Variants in UBR3 observed in about 807,000 individuals in gnomAD.
UBR3 encodes the protein E3 ubiquitin-protein ligase UBR3.
UBR3 carries 85 observed loss-of-function variants against 243.2 expected under a neutral mutation model. The observed-to-expected ratio is 0.35, with a 90% CI of 0.29 to 0.42. The LOEUF is 0.42. Among genes scored for constraint, UBR3 ranks in the 10% least tolerant of loss-of-function variants. The pLI, the probability that UBR3 is intolerant of heterozygous loss-of-function variation, is 1.00. For synonymous variants in UBR3, 748 were observed against 799.8 expected, an observed-to-expected ratio of 0.94 and a Z score of 1.09; for missense variants, 1,686 against 2,300.8, an observed-to-expected ratio of 0.73 and a Z score of 5.47.
chr2:169,833,237 C>CT (rs2081993007), intron 1 of UBR3, among the ~76,000 whole-genome samples: 1 of 152,312 alleles, frequency 6.6e-6, no homozygotes, highest in East Asian at 1.9e-4. Flanking sequence ...ACTGTAATGT[C>CT]TGACTAGCTG....
intron 17 of UBR3, among the ~76,000 whole-genome samples, chr2:169,928,441 A>G (rs1286934895): frequency 6.6e-6 from 1 of 152,138 alleles, no homozygotes; most frequent in Non-Finnish European, 1.5e-5. Flanking sequence ...AAGTTTTTCT[A>G]TCGTTTTCTG....
intron 11 of UBR3, among the ~76,000 whole-genome samples, 186 bp downstream of exon 11, chr2:169,914,332 C>T (rs1485490568): frequency 6.6e-6 from 1 of 152,126 alleles, no homozygotes; most frequent in African/African-American, 2.4e-5. Context: ...AGTTCTTTGA[C>T]ATTTAGGAGA....
rs564940594 is a variant in UBR3, at chr2:170,064,306, G to A, written c.5019+2863G>A. Among the ~76,000 whole-genome samples, 9 of 151,970 alleles carry A rather than the reference G, an allele frequency of 5.9e-5. No individual in the cohort carries two copies. The East Asian group carries it at 1.2e-3, about 20-fold the overall frequency. On this transcript the variant is annotated intron_variant, in intron 35 of 38. Transcript: ENST00000272793. The stretch of plus-strand genomic sequence containing the variant: ...TTTTTCAGTTTAATGTTGTTAGAAC[G>A]ATTACCTTTTTCTTTATGACTTGTA...
chr2:169,997,288 G>A (rs115060575), intron 26 of UBR3, among the ~76,000 whole-genome samples: 3,125 of 152,210 alleles, frequency 0.021, 39 homozygotes, highest in Non-Finnish European at 0.033. Flanking sequence ...CGCTCAACTC[G>A]CTCCCCAGCC....
intron 21 of UBR3, 93 bp from the exon 22 acceptor site, chr2:169,947,449 G>A: frequency 3.3e-6 from 3 of 916,882 alleles, no homozygotes; most frequent in South Asian, 7.7e-5. Context: ...GATTATGATA[G>A]GCAGTGGATG....
chr2:170,063,383 A>G (rs1371332446), intron 35 of UBR3, among the ~76,000 whole-genome samples: 1 of 152,126 alleles, frequency 6.6e-6, no homozygotes, highest in Non-Finnish European at 1.5e-5. Context: ...GACCTGTTCA[A>G]CTGAAGTGAG....
intron 4 of UBR3, 130 bp downstream of exon 4, chr2:169,877,767 T>A: frequency 1.1e-6 from 1 of 926,498 alleles, no homozygotes; most frequent in Non-Finnish European, 1.5e-6. Context: ...TTAAGAAAAG[T>A]AATAAAAGTA....
chr2:170,049,545 G>A (rs910440003), intron 32 of UBR3, among the ~76,000 whole-genome samples: 2 of 151,748 alleles, frequency 1.3e-5, no homozygotes, highest in African/African-American at 2.4e-5. Context: ...TGAGGATAAG[G>A]GGGGGATTAC....
At chr2:170,002,540 G>A (rs1414005056) in intron 27 of UBR3, among the ~76,000 whole-genome samples, 1 of 152,124 alleles carries the variant, frequency 6.6e-6, no homozygotes, top group Non-Finnish European at 1.5e-5. Context: ...CCTGATAAAT[G>A]AGTCCAACAT....
chr2:169,922,617 A>T (rs1049442780), intron 11 of UBR3, among the ~76,000 whole-genome samples: 1 of 152,150 alleles, frequency 6.6e-6, no homozygotes, highest in African/African-American at 2.4e-5. Flanking sequence ...CTCTTCCCCC[A>T]GCTTCTGGCA....
At chr2:169,853,066 G>C (rs530660784) in intron 1 of UBR3, among the ~76,000 whole-genome samples, 1 of 152,110 alleles carries the variant, frequency 6.6e-6, no homozygotes, top group South Asian at 2.1e-4. Flanking sequence ...GCTGTGTTTT[G>C]GCTTTACACA....
intron 32 of UBR3, among the ~76,000 whole-genome samples, chr2:170,045,268 G>C (rs929965243): frequency 3.3e-5 from 5 of 152,134 alleles, no homozygotes; most frequent in Non-Finnish European, 7.4e-5. Context: ...CATGAGAACA[G>C]GATGCGGGAA....
At chr2:169,891,867 A>G (rs536391753) in intron 6 of UBR3, among the ~76,000 whole-genome samples, 84 of 152,264 alleles carry the variant, frequency 5.5e-4, no homozygotes, top group African/African-American at 1.7e-3. Flanking sequence ...TTTAACCACA[A>G]TGTTTACTTG....
At chr2:169,931,658 A>G (rs1286907625) in intron 18 of UBR3, among the ~76,000 whole-genome samples, 1 of 152,168 alleles carries the variant, frequency 6.6e-6, no homozygotes, top group African/African-American at 2.4e-5. Context: ...GGTGGTTTCT[A>G]AAATTATTAT....
At chr2:170,048,504 A>T (rs1401052707) in intron 32 of UBR3, among the ~76,000 whole-genome samples, 1 of 152,196 alleles carries the variant, frequency 6.6e-6, no homozygotes, top group African/African-American at 2.4e-5. Context: ...GAACGTGTAC[A>T]CTTAGCCACC....
rs1425947396 is a variant in UBR3, at chr2:169,827,975, A to C, written c.468A>C (p.Gly156=). The stretch of plus-strand genomic sequence containing the variant: ...GCTTCCACCAGGGCGACCACACCGG[A>C]CACGACTTCAACATGTTCCGCAGCC... ...AECFHQGDHT[G]HDFNMFRSQA... Residue 156 remains glycine (G), a synonymous_variant, in exon 1 of 39, where the codon GGA becomes GGC. Transcript: ENST00000272793. 2 of 1,461,102 alleles carry C rather than the reference A, an allele frequency of 1.4e-6. No homozygotes were observed. The highest frequency in any genetic ancestry group is 9.1e-7 in the Non-Finnish European group (1 of 1,103,494). The allele number at this position is 1,461,102 out of a possible 1,614,324, so 90.5% of individuals were successfully genotyped here.
intron 24 of UBR3, among the ~76,000 whole-genome samples, chr2:169,970,372 T>C (rs1480368867): frequency 1.0e-5 from 1 of 98,532 alleles, no homozygotes; most frequent in Non-Finnish European, 2.0e-5. Context: ...GTGCACATTG[T>C]GCAGGTTAGT....
intron 35 of UBR3, 42 bp from the exon 36 acceptor site, chr2:170,073,386 T>A: frequency 1.2e-6 from 2 of 1,605,940 alleles, no homozygotes; most frequent in Non-Finnish European, 8.5e-7. Flanking sequence ...GGAAATGTTC[T>A]TGATGAAATA....
At chr2:169,886,165 A>AC in intron 5 of UBR3, among the ~76,000 whole-genome samples, 1 of 152,094 alleles carries the variant, frequency 6.6e-6, no homozygotes, top group East Asian at 1.9e-4. Context: ...TCAAAAAAAA[A>AC]AAAAAAAAGT....
Sources: gnomAD v4.1 joint callset for allele counts (sites outside exome capture counted in the v4.1 genomes callset) on GRCh38, gnomAD v4.1.1 for gene constraint, MANE v1.5 for transcripts, NCBI Gene and HGNC (gene_info 2026-07-23, HGNC 2026-07-21) for gene names.